The following PRSS55 variants were observed in gnomAD, a reference collection of about 807,000 sequenced individuals.
PRSS55 encodes the protein probable serine protease UNQ9391/PRO34284.
In PRSS55, 41 loss-of-function variants were observed where a neutral mutation model predicts 23.6. That is an observed-to-expected ratio of 1.74 (90% CI 1.35 to 2.26). The LOEUF (loss-of-function observed/expected upper bound fraction) is 2.26. Ranked by LOEUF, PRSS55 falls within the 30% of genes most tolerant of loss-of-function variation. PRSS55 has a pLI of 0.00. For missense variants in PRSS55, 669 were observed against 439.1 expected (o/e 1.52, Z -4.68); for synonymous variants, 262 against 175.5 (o/e 1.49, Z -3.90).
At chr8:10,537,930 A>G (rs2117049004) in intron 4 of PRSS55, among the ~76,000 whole-genome samples, 1 of 152,270 alleles carries the variant, frequency 6.6e-6, no homozygotes, top group East Asian at 1.9e-4. Context: ...GAAGCTCAAC[A>G]TAAATGGATA....
At chr8:10,528,751 G>T (rs952883889) in intron 1 of PRSS55, among the ~76,000 whole-genome samples, 4 of 152,218 alleles carry the variant, frequency 2.6e-5, no homozygotes, top group African/African-American at 7.2e-5. Flanking sequence ...ACAGTACTGT[G>T]GGACAGAGCT....
intron 4 of PRSS55, among the ~76,000 whole-genome samples, chr8:10,533,323 C>T (rs1055834897): frequency 6.6e-6 from 1 of 152,126 alleles, no homozygotes; most frequent in Non-Finnish European, 1.5e-5. Context: ...TTTCTCATTT[C>T]TGGGAATTCT....
At chr8:10,527,502 G>C (rs1278822745) in intron 1 of PRSS55, among the ~76,000 whole-genome samples, 2 of 152,222 alleles carry the variant, frequency 1.3e-5, no homozygotes, top group Non-Finnish European at 2.9e-5. Context: ...AGCAGGGTAG[G>C]AAATAAGGAG....
chr8:10,532,582 A>G (rs4240651), intron 3 of PRSS55, among the ~76,000 whole-genome samples: 152,221 of 152,376 alleles, frequency 1, 76,033 homozygotes, highest in Non-Finnish European at 1. Flanking sequence ...ATGTATTGAT[A>G]TGGCAGGATT....
chr8:10,538,466 C>T lies in PRSS55; in HGVS notation c.742-10C>T. The T allele has an allele frequency of 6.2e-7, 1 of 1,601,794 alleles. No individual in the cohort carries two copies. Among genetic ancestry groups the T allele is most frequent in the Non-Finnish European group, 8.5e-7 (1 of 1,171,550 alleles). ...CGGACTCCCTGCTGAGCTGTGTTCT[C>T]TGCCCACAGGGTGACAGTGGGGGGC... On this transcript the variant is annotated splice_polypyrimidine_tract_variant and intron_variant, in intron 4 of 4. Coordinates refer to ENST00000328655, the MANE Select transcript of PRSS55 (RefSeq NM_198464.4).
At chr8:10,537,704 C>T (rs1000990367) in intron 4 of PRSS55, among the ~76,000 whole-genome samples, 1 of 152,100 alleles carries the variant, frequency 6.6e-6, no homozygotes, top group African/African-American at 2.4e-5. Context: ...AAACGTGTAC[C>T]TCATAAACAT....
chr8:10,542,222 G>C (rs1022446906), downstream of PRSS55, among the ~76,000 whole-genome samples: 1 of 152,142 alleles, frequency 6.6e-6, no homozygotes, highest in Non-Finnish European at 1.5e-5. Context: ...ACAGTGTAGT[G>C]TGTAAACTGC....
chr8:10,533,955 G>A (rs750062624), intron 4 of PRSS55, among the ~76,000 whole-genome samples: 1 of 152,158 alleles, frequency 6.6e-6, no homozygotes, highest in Non-Finnish European at 1.5e-5. Context: ...ACAGGGGTTG[G>A]AGGCAGAAAG....
chr8:10,537,837 T>A (rs1812509624), intron 4 of PRSS55, among the ~76,000 whole-genome samples: 1 of 152,180 alleles, frequency 6.6e-6, no homozygotes, highest in Non-Finnish European at 1.5e-5. Flanking sequence ...GCAGGCTCAT[T>A]TGCCTTGTGT....
At chr8:10,530,120 G>A (rs759294584) in intron 2 of PRSS55, among the ~76,000 whole-genome samples, 43 of 152,368 alleles carry the variant, frequency 2.8e-4, no homozygotes, top group Admixed American at 7.2e-4. Context: ...ACAGCATGTG[G>A]ATGGATGCCT....
rs893969297 is a variant in PRSS55, at chr8:10,538,680, A to C, written c.946A>C (p.Lys316Gln). The change falls in exon 5 of 5, where the codon AAA (lysine) becomes CAA (glutamine). Residue 316 changes from lysine to glutamine, a missense_variant. Lys to Gln is a moderately conservative substitution (Grantham distance 53, BLOSUM62 1). Coordinates refer to ENST00000328655, the MANE Select transcript of PRSS55 (RefSeq NM_198464.4). ...TGCAGAGAAAAGGAGGACTTCTGTC[A>C]AACAGAAACCTATGGGCTCCCCAGT... is the stretch of plus-strand genomic sequence containing the variant. The part of the protein sequence containing the change: ...FNAEKRRTSV[K>Q]QKPMGSPVSG... 2 of 1,614,086 alleles carry C rather than the reference A, an allele frequency of 1.2e-6. No homozygotes were observed. Among genetic ancestry groups the C allele is most frequent in the African/African-American group, 2.7e-5 (2 of 74,938 alleles).
At chr8:10,553,390 C>T (rs924087778) in intron 4 of PRSS55, among the ~76,000 whole-genome samples, 6 of 152,094 alleles carry the variant, frequency 3.9e-5, no homozygotes, top group African/African-American at 1.2e-4. Flanking sequence ...AACATAGAAA[C>T]AACCTATGTG....
chr8:10,546,228 G>A (rs1262319481), intron 4 of PRSS55, among the ~76,000 whole-genome samples: 1 of 152,188 alleles, frequency 6.6e-6, no homozygotes, highest in African/African-American at 2.4e-5. Flanking sequence ...ATCATTGCAT[G>A]GACAGAGTAA....
At chr8:10,545,868 A>G (rs1379466629) in intron 4 of PRSS55, among the ~76,000 whole-genome samples, 1 of 152,222 alleles carries the variant, frequency 6.6e-6, no homozygotes, top group African/African-American at 2.4e-5. Flanking sequence ...TTTTTACATC[A>G]GAACCGGCCC....
In PRSS55 at chr8:10,529,494, T is replaced by G. The variant is rs765185771; in HGVS notation, c.155-13T>G. ...TTTCCCCTTTTCCTTTCCACTCTCT[T>G]TCTTTCCACCAGAATGTGGTGACAG... On this transcript the variant is annotated splice_polypyrimidine_tract_variant and intron_variant, in intron 1 of 4. Coordinates refer to ENST00000328655, the MANE Select transcript of PRSS55 (RefSeq NM_198464.4). The G allele has an allele frequency of 1.2e-6, 2 of 1,613,720 alleles. No individual in the cohort carries two copies. Among genetic ancestry groups the G allele is most frequent in the Non-Finnish European group, 1.7e-6 (2 of 1,179,594 alleles).
At chr8:10,529,009 G>C (rs1812143918) in intron 1 of PRSS55, among the ~76,000 whole-genome samples, 1 of 152,144 alleles carries the variant, frequency 6.6e-6, no homozygotes, top group Non-Finnish European at 1.5e-5. Flanking sequence ...TGGCCCCTCA[G>C]AAAAGCCAGC....
chr8:10,545,733 CAT>C (rs948144449), intron 4 of PRSS55, among the ~76,000 whole-genome samples: 9 of 152,292 alleles, frequency 5.9e-5, no homozygotes, highest in East Asian at 3.9e-4. Flanking sequence ...ACTGTAGAGA[CAT>C]GTGTTATTCA....
intron 4 of PRSS55, among the ~76,000 whole-genome samples, chr8:10,537,329 G>A (rs1369500254): frequency 1.3e-5 from 2 of 152,160 alleles, no homozygotes; most frequent in African/African-American, 2.4e-5. Context: ...ACAACAGCAT[G>A]TATAGAACTG....
chr8:10,550,747 C>A (rs59134821), intron 4 of PRSS55, among the ~76,000 whole-genome samples: 44,903 of 152,124 alleles, frequency 0.3, 7,114 homozygotes, highest in East Asian at 0.42. Context: ...CTGAAGATGT[C>A]GCTTTCCATT....
Sources: gnomAD v4.1 joint callset for allele counts (sites outside exome capture counted in the v4.1 genomes callset) on GRCh38, gnomAD v4.1.1 for gene constraint, MANE v1.5 for transcripts, NCBI Gene and HGNC (gene_info 2026-07-23, HGNC 2026-07-21) for gene names.